HDAC9: variants seen among roughly 807,000 people sequenced by gnomAD.
HDAC9 encodes histone deacetylase 9.
HDAC9 carries 41 observed loss-of-function variants against 139.4 expected under a neutral mutation model. The ratio of observed to expected loss-of-function variants is 0.29; its 90% CI spans 0.23 to 0.38. The LOEUF (loss-of-function observed/expected upper bound fraction) is 0.38. Ranked by LOEUF, HDAC9 falls within the 10% of genes least tolerant of loss-of-function variation. The pLI, the probability that HDAC9 is intolerant of heterozygous loss-of-function variation, is 1.00. For synonymous variants in HDAC9, 517 were observed against 476.2 expected, an observed-to-expected ratio of 1.09 and a Z score of -1.12; for missense variants, 1,147 against 1,297.0, an observed-to-expected ratio of 0.88 and a Z score of 1.78.
intron 1 of HDAC9, among the ~76,000 whole-genome samples, chr7:18,381,378 A>G (rs1018134266): frequency 1.3e-5 from 2 of 152,108 alleles, no homozygotes; most frequent in Non-Finnish European, 2.9e-5. Flanking sequence ...GAAAGAGCAT[A>G]GTTTATATTA....
chr7:18,551,829 T>C lies in HDAC9; in HGVS notation c.23-33452T>C, dbSNP rs528198055. The stretch of plus-strand genomic sequence containing the variant: ...GTGTTAACAGTTTTTCTGTGGTGAG[T>C]CTGAATTTCCTTGAGCCGTTATTTA... On this transcript the variant is annotated intron_variant, in intron 2 of 25. Transcript: ENST00000686413. 4.1e-3 allele frequency among the ~76,000 whole-genome samples: 620 copies of C among 152,288 alleles called. 1 individual carries two copies. The highest frequency in any genetic ancestry group is 7.0e-3 in the Non-Finnish European group (477 of 68,016).
At chr7:18,306,136 A>G (rs185622080) in intron 1 of HDAC9, among the ~76,000 whole-genome samples, 1 of 152,208 alleles carries the variant, frequency 6.6e-6, no homozygotes, top group Admixed American at 6.5e-5. Context: ...TAGGTAACTA[A>G]AGCTTAATTC....
At chr7:18,800,041 A>G (rs535162790) in intron 17 of HDAC9, among the ~76,000 whole-genome samples, 1 of 152,306 alleles carries the variant, frequency 6.6e-6, no homozygotes, top group South Asian at 2.1e-4. Flanking sequence ...CACCTCCAAA[A>G]ATCCTCAATA....
chr7:18,586,662 G>T (rs890328608), intron 3 of HDAC9, among the ~76,000 whole-genome samples: 1 of 151,934 alleles, frequency 6.6e-6, no homozygotes, highest in African/African-American at 2.4e-5. Context: ...AATCCTAAAA[G>T]AACTTTATTA....
intron 12 of HDAC9, among the ~76,000 whole-genome samples, chr7:18,709,258 C>T (rs1349178728): frequency 6.6e-6 from 1 of 152,078 alleles, no homozygotes; most frequent in African/African-American, 2.4e-5. Context: ...CATGTGTTCT[C>T]ATTGTTCAAA....
chr7:18,171,331 TAAG>T (rs1470815346), intron 2 of HDAC9, among the ~76,000 whole-genome samples: 1 of 152,212 alleles, frequency 6.6e-6, no homozygotes, highest in Non-Finnish European at 1.5e-5. Context: ...CTTATCAGCT[TAAG>T]GAGATTTTGG....
At chr7:18,410,797 G>T (rs1264973053) in intron 1 of HDAC9, among the ~76,000 whole-genome samples, 2 of 152,098 alleles carry the variant, frequency 1.3e-5, no homozygotes, top group African/African-American at 2.4e-5. Context: ...AAAAGTTTCT[G>T]CCTAAATATT....
intron 1 of HDAC9, among the ~76,000 whole-genome samples, chr7:18,459,634 T>C (rs1017580810): frequency 2.6e-5 from 4 of 152,150 alleles, no homozygotes; most frequent in African/African-American, 9.7e-5. Flanking sequence ...ATGATTTAAT[T>C]TTCATGGTAT....
chr7:18,217,829 C>G (rs1792422931), intron 2 of HDAC9, among the ~76,000 whole-genome samples: 2 of 152,126 alleles, frequency 1.3e-5, no homozygotes, highest in Admixed American at 6.5e-5. Context: ...CTTAAAATGA[C>G]AAACATTAAT....
intron 22 of HDAC9, among the ~76,000 whole-genome samples, chr7:18,912,295 CT>C: frequency 6.6e-6 from 1 of 152,010 alleles, no homozygotes; most frequent in South Asian, 2.1e-4. Context: ...CTTTTCTCAG[CT>C]GTGAAAATGA....
At chr7:18,373,858 G>A (rs565185244) in intron 1 of HDAC9, among the ~76,000 whole-genome samples, 85 of 152,100 alleles carry the variant, frequency 5.6e-4, no homozygotes, top group Non-Finnish European at 5.7e-4. Context: ...ACTTATACTT[G>A]TGACTCCAGT....
intron 13 of HDAC9, among the ~76,000 whole-genome samples, chr7:18,735,125 T>A (rs1024202441): frequency 1.3e-5 from 2 of 152,248 alleles, no homozygotes; most frequent in Non-Finnish European, 2.9e-5. Flanking sequence ...TATTCATAGA[T>A]TCTGCATAAT....
chr7:18,543,930 G>A (rs76988421), intron 2 of HDAC9, among the ~76,000 whole-genome samples: 2,582 of 151,524 alleles, frequency 0.017, 81 homozygotes, highest in African/African-American at 0.058. Context: ...GTTGAGACTA[G>A]CAGAAGTGCA....
intron 21 of HDAC9, among the ~76,000 whole-genome samples, chr7:18,871,761 G>A (rs1222282128): frequency 6.6e-6 from 1 of 151,944 alleles, no homozygotes; most frequent in Admixed American, 6.6e-5. Flanking sequence ...AATTAATCTA[G>A]ACTGGCATAA....
At chr7:18,508,071 G>T (rs953021976) in intron 2 of HDAC9, among the ~76,000 whole-genome samples, 3 of 152,160 alleles carry the variant, frequency 2.0e-5, no homozygotes, top group Non-Finnish European at 4.4e-5. Flanking sequence ...CCAACCATAT[G>T]ACACAGAAGA....
intron 6 of HDAC9, among the ~76,000 whole-genome samples, chr7:18,609,384 C>T (rs1836456777): frequency 6.6e-6 from 1 of 152,106 alleles, no homozygotes; most frequent in Admixed American, 6.5e-5. Flanking sequence ...GTTTAAAAAG[C>T]CACCTGTGTC....
intron 6 of HDAC9, among the ~76,000 whole-genome samples, chr7:18,596,253 G>A (rs933623290): frequency 3.3e-5 from 5 of 152,000 alleles, no homozygotes; most frequent in African/African-American, 1.2e-4. Flanking sequence ...CTCTATAGAG[G>A]TTTTAAAATA....
chr7:18,566,328 T>C (rs986531255), intron 2 of HDAC9, among the ~76,000 whole-genome samples: 1 of 152,202 alleles, frequency 6.6e-6, no homozygotes, highest in African/African-American at 2.4e-5. Flanking sequence ...GTTCCTGCTT[T>C]CAATTCTCTA....
intron 2 of HDAC9, among the ~76,000 whole-genome samples, chr7:18,564,337 G>A (rs1043143844): frequency 2.0e-5 from 3 of 152,076 alleles, no homozygotes; most frequent in Admixed American, 6.6e-5. Flanking sequence ...GAGCTTTATT[G>A]ATAAATAAAT....
Sources: gnomAD v4.1 joint callset for allele counts (sites outside exome capture counted in the v4.1 genomes callset) on GRCh38, gnomAD v4.1.1 for gene constraint, MANE v1.5 for transcripts, NCBI Gene and HGNC (gene_info 2026-07-23, HGNC 2026-07-21) for gene names.